Variants in COL19A1 observed in about 807,000 individuals in gnomAD.
COL19A1 encodes collagen alpha-1(XIX) chain.
Under a neutral mutation model 190.2 loss-of-function variants are expected in COL19A1, and 159 were observed. The observed-to-expected ratio is 0.84, with a 90% CI of 0.73 to 0.95. The LOEUF is 0.95. COL19A1 is among the 40% of genes least tolerant of loss of function. COL19A1 has a pLI of 0.00. For synonymous variants in COL19A1, 509 were observed against 458.9 expected (o/e 1.11, Z -1.39); for missense variants, 1,418 against 1,431.9 (o/e 0.99, Z 0.16).
At chr6:69,871,215 C>G (rs887122544) in intron 1 of COL19A1, among the ~76,000 whole-genome samples, 2 of 152,168 alleles carry the variant, frequency 1.3e-5, no homozygotes, top group African/African-American at 4.8e-5. Context: ...CTGGTTTTCT[C>G]TAATAGTTTA....
rs1206394705 is a variant in COL19A1 at position 69,907,113 on chromosome 6, T to TA, written c.266+6775_266+6776insA. Reference sequence around the variant, plus strand: ...TCAGATTATTATTATTATTATTTTTTTTTTTTTTTTTTTTTGAGACGGAGT... The same window carrying TA: ...TCAGATTATTATTATTATTATTTTTTATTTTTTTTTTTTTTTGAGACGGAGT... On this transcript the variant is annotated intron_variant, in intron 4 of 50. Coordinates refer to ENST00000620364, the MANE Select transcript of COL19A1 (RefSeq NM_001858.6). Among the ~76,000 whole-genome samples the TA allele has an allele frequency of 1.7e-3, 229 of 133,162 alleles. 3 individuals are homozygous for TA. The East Asian group carries it at 0.031, about 18-fold the overall frequency. The allele number at this position is 133,162 out of a possible 152,430, so 87.4% of individuals were successfully genotyped here.
intron 49 of COL19A1, among the ~76,000 whole-genome samples, chr6:70,201,353 C>T (rs879879348): frequency 6.6e-6 from 1 of 152,198 alleles, no homozygotes; most frequent in Non-Finnish European, 1.5e-5. Flanking sequence ...CAATTCTAAA[C>T]CCACAGTGTC....
At chr6:69,961,025 C>T (rs372800094) in intron 10 of COL19A1, among the ~76,000 whole-genome samples, 8 of 151,986 alleles carry the variant, frequency 5.3e-5, no homozygotes, top group Admixed American at 3.9e-4. Flanking sequence ...CTTGGAGGGA[C>T]GGGGAGCCAC....
intron 4 of COL19A1, among the ~76,000 whole-genome samples, chr6:69,909,711 G>T (rs1770783938): frequency 6.6e-6 from 1 of 152,080 alleles, no homozygotes; most frequent in South Asian, 2.1e-4. Context: ...TTTCTCTGAT[G>T]CTCACAAACA....
At chr6:70,036,916 T>G (rs1465344491) in intron 14 of COL19A1, among the ~76,000 whole-genome samples, 2 of 152,164 alleles carry the variant, frequency 1.3e-5, no homozygotes, top group Admixed American at 1.3e-4. Context: ...AATCCCATTA[T>G]GAAAAATACA....
intron 16 of COL19A1, among the ~76,000 whole-genome samples, chr6:70,109,798 G>A (rs1026898157): frequency 1.4e-4 from 21 of 152,130 alleles, no homozygotes; most frequent in African/African-American, 5.1e-4. Context: ...TATCACTTTG[G>A]TCATTAGAGA....
chr6:70,186,853 T>A (rs1052555149), intron 46 of COL19A1, among the ~76,000 whole-genome samples: 1 of 152,120 alleles, frequency 6.6e-6, no homozygotes, highest in African/African-American at 2.4e-5. Context: ...AATTATGACA[T>A]CTTATTCAAC....
In COL19A1 at chr6:70,079,869, G is replaced by GTA. The variant is rs140333625; in HGVS notation, c.1224+11405_1224+11406dup. Among the ~76,000 whole-genome samples the GTA allele has an allele frequency of 2.5e-3, 385 of 151,506 alleles. 1 individual carries two copies. Among genetic ancestry groups the GTA allele is most frequent in the African/African-American group, 8.1e-3 (336 of 41,340 alleles). ...CTTTGTTTCTTTTTTTCTCATAAGT[G>GTA]TATATATATATATGTGAATACTCAA... On this transcript the variant is annotated intron_variant, in intron 15 of 50. Transcript: ENST00000620364.
intron 46 of COL19A1, 82 bp from the exon 47 acceptor site, chr6:70,187,993 C>A: frequency 6.7e-7 from 1 of 1,497,764 alleles, no homozygotes; most frequent in Non-Finnish European, 9.1e-7. Context: ...TAATAAGTGC[C>A]AGTATGAATC....
At chr6:70,070,854 A>C (rs1210423613) in intron 15 of COL19A1, among the ~76,000 whole-genome samples, 1 of 152,128 alleles carries the variant, frequency 6.6e-6, no homozygotes, top group Non-Finnish European at 1.5e-5. Context: ...TAAAGTTTGC[A>C]GTAGAAAACA....
At chr6:70,176,812 A>G (rs543178919) in intron 42 of COL19A1, among the ~76,000 whole-genome samples, 4 of 152,126 alleles carry the variant, frequency 2.6e-5, no homozygotes, top group African/African-American at 9.6e-5. Context: ...TGGAGGGGAG[A>G]GGAAACACAG....
At chr6:70,066,010 ACT>A (rs1336722109) in intron 14 of COL19A1, among the ~76,000 whole-genome samples, 1 of 152,234 alleles carries the variant, frequency 6.6e-6, no homozygotes. Flanking sequence ...GGGACTGTAA[ACT>A]AGTTCAACCA....
intron 9 of COL19A1, among the ~76,000 whole-genome samples, chr6:69,943,878 C>G (rs751817575): frequency 1.3e-5 from 2 of 151,996 alleles, no homozygotes; most frequent in South Asian, 2.1e-4. Flanking sequence ...ACAATTATTC[C>G]GAATAGTCAT....
rs566566363 is a variant in COL19A1, at chr6:70,075,638, T to TC, written c.1224+7165dup. On this transcript the variant is annotated intron_variant, in intron 15 of 50. Transcript: ENST00000620364. ...GCCCAGACTTTGTGATCACAGGCCATCCCTTAGATAAGGTTAAACAGCACA... is the reference window on the plus strand; with the variant it reads ...GCCCAGACTTTGTGATCACAGGCCATCCCCTTAGATAAGGTTAAACAGCACA... 8.5e-5 allele frequency among the ~76,000 whole-genome samples: 13 copies of TC among 152,266 alleles called. No individual in the cohort carries two copies. In the East Asian group the frequency reaches 2.3e-3, roughly 27 times the overall value.
In COL19A1 at chr6:70,187,195, T is replaced by C. The variant is rs1331030958; in HGVS notation, c.2857-880T>C. On this transcript the variant is annotated intron_variant, in intron 46 of 50. Coordinates refer to ENST00000620364, the MANE Select transcript of COL19A1 (RefSeq NM_001858.6). ...GCGCCTGGCCCAACTGATTCTTCCA[T>C]AGTTCATTTATACTATTGAGTAAAT... 5.3e-5 allele frequency among the ~76,000 whole-genome samples: 8 copies of C among 152,154 alleles called. No homozygotes were observed. In the East Asian group the frequency reaches 1.5e-3, roughly 29 times the overall value.
intron 4 of COL19A1, among the ~76,000 whole-genome samples, chr6:69,906,912 G>A (rs541065441): frequency 3.9e-5 from 6 of 152,200 alleles, no homozygotes; most frequent in Admixed American, 2.6e-4. Flanking sequence ...TTTGGAAGAT[G>A]TGTAATGTTT....
chr6:70,203,462 A>G (rs561159419), intron 49 of COL19A1, among the ~76,000 whole-genome samples: 3 of 152,200 alleles, frequency 2.0e-5, no homozygotes, highest in Non-Finnish European at 4.4e-5. Context: ...ATGGGAGGAC[A>G]TGTGTGTGTG....
intron 14 of COL19A1, among the ~76,000 whole-genome samples, chr6:70,066,487 T>C (rs1003314916): frequency 3.3e-5 from 5 of 152,046 alleles, no homozygotes; most frequent in African/African-American, 4.8e-5. Flanking sequence ...TTGGGAGATA[T>C]ACCTAATGTA....
At chr6:69,900,670 A>G (rs1770129206) in intron 4 of COL19A1, among the ~76,000 whole-genome samples, 1 of 152,144 alleles carries the variant, frequency 6.6e-6, no homozygotes. Context: ...AACATAAGGC[A>G]CTATATAGAT....
Sources: allele counts gnomAD v4.1 joint callset (sites outside exome capture counted in the v4.1 genomes callset), GRCh38; gene constraint gnomAD v4.1.1; transcripts MANE v1.5; gene names NCBI Gene and HGNC (gene_info 2026-07-23, HGNC 2026-07-21).